The following SLC13A2 variants were observed in gnomAD, a reference collection of about 807,000 sequenced individuals.
SLC13A2 encodes the protein solute carrier family 13 member 2, also known as Na(+)-coupled citrate transporter.
In SLC13A2, 40 loss-of-function variants were observed where a neutral mutation model predicts 58.5. The observed-to-expected ratio is 0.68, with a 90% CI of 0.53 to 0.89. The LOEUF (loss-of-function observed/expected upper bound fraction) is 0.89, where lower values mean the gene tolerates loss of function less well. Ranked by LOEUF, SLC13A2 falls within the 40% of genes least tolerant of loss-of-function variation. The pLI is 0.00. For synonymous variants in SLC13A2, 341 were observed against 331.6 expected, an observed-to-expected ratio of 1.03 and a Z score of -0.31; for missense variants, 694 against 772.6, an observed-to-expected ratio of 0.90 and a Z score of 1.21.
At chr17:28,491,378 C>A in intron 4 of SLC13A2, 59 bp from the exon 5 acceptor site, 1 of 1,582,966 alleles carries the variant, frequency 6.3e-7, no homozygotes, top group Non-Finnish European at 8.6e-7. Flanking sequence ...GCAGCCCTGG[C>A]CCCGTTCCCC....
chr17:28,495,890 C>G, intron 10 of SLC13A2, 74 bp downstream of exon 10: 1 of 1,517,616 alleles, frequency 6.6e-7, no homozygotes, highest in Non-Finnish European at 9.0e-7. Context: ...GCCTGCTGGG[C>G]AGAGTATCCT....
At chr17:28,474,252 C>T (rs941072111) in intron 1 of SLC13A2, among the ~76,000 whole-genome samples, 3 of 151,886 alleles carry the variant, frequency 2.0e-5, no homozygotes, top group Admixed American at 6.6e-5. Flanking sequence ...TGGCTGCAGG[C>T]GGTCTGCATC....
intron 1 of SLC13A2, among the ~76,000 whole-genome samples, chr17:28,476,086 G>T (rs1313212974): frequency 6.6e-6 from 1 of 152,168 alleles, no homozygotes; most frequent in Non-Finnish European, 1.5e-5. Context: ...ATCAAGAAAT[G>T]CTTCAACCAT....
At chr17:28,473,839 A>G (rs1555599426) in intron 1 of SLC13A2, 25 bp downstream of exon 1, 7 of 1,597,794 alleles carry the variant, frequency 4.4e-6, no homozygotes, top group Non-Finnish European at 6.0e-6. Flanking sequence ...TTCTGAGCAC[A>G]GATAACTCCA....
In SLC13A2 at chr17:28,497,014, GC is replaced by G. The variant is rs371273131; in HGVS notation, c.1609-84del. The G allele has an allele frequency of 2.2e-3, 3,141 of 1,426,600 alleles. 33 individuals are homozygous for G. In the African/African-American group the frequency reaches 0.028, roughly 12 times the overall value. The allele number at this position is 1,426,600 out of a possible 1,614,324, so 88.4% of individuals were successfully genotyped here. A position where few individuals can be genotyped will look rare whatever the true frequency, so the allele number is the denominator to read the frequency against. ...CAGAGAGAATTTTGCTGGTAGGAGG[GC>G]TCCTGTGCACCCCCAAACACCTGGG... On this transcript the variant is annotated intron_variant, in intron 11 of 11. Transcript: ENST00000314669.
intron 1 of SLC13A2, among the ~76,000 whole-genome samples, chr17:28,474,436 G>A (rs782211887): frequency 5.3e-5 from 8 of 152,108 alleles, no homozygotes; most frequent in Admixed American, 3.3e-4. Context: ...CTCCTCCTCC[G>A]CCCCCAGCAG....
chr17:28,473,652 G>C lies in SLC13A2; in HGVS notation c.-61G>C. The C allele has an allele frequency of 7.8e-7, 1 of 1,278,792 alleles. No individual in the cohort carries two copies. Among genetic ancestry groups the C allele is most frequent in the Non-Finnish European group, 1.1e-6 (1 of 887,302 alleles). 79.2% of individuals were successfully genotyped at this position (1,278,792 alleles called of 1,614,324 possible). The stretch of plus-strand genomic sequence containing the variant: ...CACCTGCCTGCTTGGCTGCATCTTT[G>C]GTCCTTCTGTTACCCAGCTCCTGGA... On this transcript the variant is annotated 5_prime_UTR_variant, in exon 1 of 12. Coordinates refer to ENST00000314669, the MANE Select transcript of SLC13A2 (RefSeq NM_003984.4).
intron 9 of SLC13A2, among the ~76,000 whole-genome samples, chr17:28,495,349 G>A (rs184275736): frequency 1.3e-5 from 2 of 152,296 alleles, no homozygotes; most frequent in Admixed American, 1.3e-4. Context: ...TCCTGAGAGA[G>A]GTCAGGAAGG....
chr17:28,473,922 T>G, intron 1 of SLC13A2, 108 bp downstream of exon 1: 4 of 890,532 alleles, frequency 4.5e-6, no homozygotes, highest in Non-Finnish European at 7.1e-6. Flanking sequence ...TCACTGCCCC[T>G]GCCCTGGAAG....
In SLC13A2 at chr17:28,493,651, G is replaced by A. The variant is rs781908437; in HGVS notation, c.959G>A (p.Arg320Lys). ...TACTGCGTCATCCAGACCGAGCACAGGCTGCTGGGCCCCATGACCTTTGCA... is the reference window on the plus strand; with the variant it reads ...TACTGCGTCATCCAGACCGAGCACAAGCTGCTGGGCCCCATGACCTTTGCA... ...AAYCVIQTEH[R>K]LLGPMTFAEK... The change falls in exon 7 of 12, where the codon AGG (arginine) becomes AAG (lysine). Residue 320 changes from arginine to lysine, a missense_variant. Physicochemically the swap from Arg to Lys is conservative, Grantham distance 26. Transcript: ENST00000314669. 22 of 1,614,102 alleles carry A rather than the reference G, an allele frequency of 1.4e-5. No individual in the cohort carries two copies. In the East Asian group the frequency reaches 4.7e-4, roughly 34 times the overall value.
rs1417209484 is a variant in SLC13A2 at position 28,486,810 on chromosome 17, T to C, written c.103-2404T>C. ...GTCTGACTTTTTTTTTTTTTTTTTT[T>C]TGATACAAGGTCTCACTCCAGTTGC... is the stretch of plus-strand genomic sequence containing the variant. On this transcript the variant is annotated intron_variant, in intron 1 of 11. Transcript: ENST00000314669. Among the ~76,000 whole-genome samples the C allele has an allele frequency of 6.7e-5, 10 of 148,478 alleles. No homozygotes were observed. In the East Asian group the frequency reaches 7.8e-4, roughly 12 times the overall value.
At chr17:28,488,796 CAT>C (rs2068940887) in intron 1 of SLC13A2, among the ~76,000 whole-genome samples, 1 of 152,212 alleles carries the variant, frequency 6.6e-6, no homozygotes, top group South Asian at 2.1e-4. Flanking sequence ...AACAAACAAA[CAT>C]ACTCTTGCAG....
At position 28,473,709 on chromosome 17, in the gene SLC13A2, C is replaced by T; in HGVS notation, c.-4C>T. On this transcript the variant is annotated 5_prime_UTR_variant, in exon 1 of 12. Coordinates refer to ENST00000314669, the MANE Select transcript of SLC13A2 (RefSeq NM_003984.4). ...GGCTGTAGCAGCCCTTGCTGCTCCA[C>T]ACCATGGCCACCTGCTGGCAGGCCC... 4 of 1,613,430 alleles carry T rather than the reference C, an allele frequency of 2.5e-6. No individual in the cohort carries two copies. Among genetic ancestry groups the T allele is most frequent in the South Asian group, 1.1e-5 (1 of 91,006 alleles).
intron 1 of SLC13A2, among the ~76,000 whole-genome samples, chr17:28,483,772 G>T (rs567869911): frequency 6.6e-6 from 1 of 152,254 alleles, no homozygotes; most frequent in Non-Finnish European, 1.5e-5. Flanking sequence ...AGATAAATGT[G>T]TTTACAGCAG....
chr17:28,477,938 A>G (rs1226200082), intron 1 of SLC13A2, among the ~76,000 whole-genome samples: 4 of 152,072 alleles, frequency 2.6e-5, no homozygotes, highest in Non-Finnish European at 5.9e-5. Flanking sequence ...CATGCCTGTA[A>G]TCCCAGCTAC....
intron 1 of SLC13A2, among the ~76,000 whole-genome samples, chr17:28,475,330 T>C (rs148064070): frequency 0.013 from 1,931 of 152,280 alleles, 18 homozygotes; most frequent in Middle Eastern, 0.021. Context: ...GGCTCACAGA[T>C]GCTGCCAGCC....
rs1555603588 is a variant in SLC13A2, at chr17:28,491,837, T to C, written c.863T>C (p.Leu288Pro). 6.2e-7 allele frequency: 1 copy of C among 1,614,080 alleles called. No individual in the cohort carries two copies. Among genetic ancestry groups the C allele is most frequent in the Non-Finnish European group, 8.5e-7 (1 of 1,179,958 alleles). Residue 288 changes from leucine to proline, a missense_variant, in exon 6 of 12, where the codon CTC becomes CCC. By Grantham distance (98) the Leu-to-Pro change is moderately conservative. Coordinates refer to ENST00000314669, the MANE Select transcript of SLC13A2 (RefSeq NM_003984.4). ...CTGGCCTGGTTGTGGCTGCAGATCC[T>C]CTTCCTGGGCTTCAAGTAAGTGGCA... ...LLLAWLWLQILFLGFNFRKNF... is the reference protein window; with the variant it reads ...LLLAWLWLQIPFLGFNFRKNF...
intron 1 of SLC13A2, among the ~76,000 whole-genome samples, chr17:28,485,535 G>A (rs548870892): frequency 6.6e-6 from 1 of 152,266 alleles, no homozygotes; most frequent in South Asian, 2.1e-4. Flanking sequence ...CTAGGGCTCT[G>A]CCCTCAGGGA....
Position 28,491,712 on chromosome 17 carries a change from C to A in SLC13A2, c.756-18C>A. On this transcript the variant is annotated intron_variant, in intron 5 of 11. Coordinates refer to ENST00000314669, the MANE Select transcript of SLC13A2 (RefSeq NM_003984.4). ...TTCTCGGGGCAATGTCACACGGCAG[C>A]CCATGTTCCTCCTTCAGGCTCTTCC... 1.2e-6 allele frequency: 2 copies of A among 1,613,446 alleles called. No homozygotes were observed. Among genetic ancestry groups the A allele is most frequent in the Non-Finnish European group, 1.7e-6 (2 of 1,179,470 alleles).
Sources: gnomAD v4.1 joint callset for allele counts (sites outside exome capture counted in the v4.1 genomes callset) on GRCh38, gnomAD v4.1.1 for gene constraint, MANE v1.5 for transcripts, NCBI Gene and HGNC (gene_info 2026-07-23, HGNC 2026-07-21) for gene names.